SUGCT: variants seen among roughly 807,000 people sequenced by gnomAD.
SUGCT encodes succinyl-CoA:glutarate CoA-transferase.
A neutral mutation model predicts 55.0 loss-of-function variants in SUGCT; 41 were observed. The ratio of observed to expected loss-of-function variants is 0.74; its 90% CI spans 0.58 to 0.97. The LOEUF (loss-of-function observed/expected upper bound fraction) is 0.97, where lower values mean the gene tolerates loss of function less well. SUGCT is among the 50% of genes least tolerant of loss of function. SUGCT has a pLI of 0.00. For synonymous variants in SUGCT, 187 were observed against 200.4 expected (o/e 0.93, Z 0.56); for missense variants, 568 against 547.8 (o/e 1.04, Z -0.37).
intron 13 of SUGCT, among the ~76,000 whole-genome samples, chr7:40,837,402 A>C (rs889246773): frequency 5.3e-5 from 8 of 152,100 alleles, no homozygotes; most frequent in Non-Finnish European, 1.2e-4. Flanking sequence ...CCTTAACATG[A>C]TCTTTCACAG....
At chr7:40,830,966 A>G (rs1792634357) in intron 13 of SUGCT, among the ~76,000 whole-genome samples, 1 of 152,218 alleles carries the variant, frequency 6.6e-6, no homozygotes, top group African/African-American at 2.4e-5. Flanking sequence ...TGAAGATTGT[A>G]ATAATCACAT....
chr7:41,009,208 T>TAAAAAAAAAAAA, the SUGCT span, among the ~76,000 whole-genome samples: 1 of 103,332 alleles, frequency 9.7e-6, no homozygotes, highest in Non-Finnish European at 1.9e-5. Flanking sequence ...TGTCTCTCTC[T>TAAAAAAAAAAAA]AAAAAAAAAA....
intron 12 of SUGCT, among the ~76,000 whole-genome samples, chr7:40,730,062 G>T (rs1384410977): frequency 6.6e-6 from 1 of 152,124 alleles, no homozygotes; most frequent in Admixed American, 6.6e-5. Context: ...CATGAAGCAG[G>T]GGAATGACGT....
At chr7:40,831,431 C>T (rs549492083) in intron 13 of SUGCT, among the ~76,000 whole-genome samples, 4 of 152,290 alleles carry the variant, frequency 2.6e-5, no homozygotes, top group African/African-American at 7.2e-5. Context: ...AGAGGGAGAA[C>T]AGCCAGTGCT....
chr7:40,511,640 T>A (rs1275677973), intron 12 of SUGCT, among the ~76,000 whole-genome samples: 3 of 152,194 alleles, frequency 2.0e-5, no homozygotes, highest in Admixed American at 6.5e-5. Flanking sequence ...GAATTTATTT[T>A]AAATAAAAAG....
chr7:40,614,132 T>G (rs1038972269), intron 12 of SUGCT, among the ~76,000 whole-genome samples: 3 of 152,130 alleles, frequency 2.0e-5, no homozygotes, highest in African/African-American at 7.2e-5. Context: ...AGGCTGTTTT[T>G]TTTTTTTAAC....
At chr7:40,843,473 G>T (rs1288303239) in intron 13 of SUGCT, among the ~76,000 whole-genome samples, 1 of 138,564 alleles carries the variant, frequency 7.2e-6, no homozygotes, top group African/African-American at 2.6e-5. Flanking sequence ...TCACGCCACT[G>T]CACTCCAGCC....
chr7:40,356,287 G>A (rs939027387), intron 9 of SUGCT, among the ~76,000 whole-genome samples: 1 of 152,192 alleles, frequency 6.6e-6, no homozygotes, highest in Non-Finnish European at 1.5e-5. Flanking sequence ...GTTTTGCCTT[G>A]AAATTTTAGA....
intron 13 of SUGCT, among the ~76,000 whole-genome samples, chr7:40,835,897 T>C (rs999547976): frequency 4.0e-5 from 6 of 148,976 alleles, no homozygotes; most frequent in East Asian, 1.9e-4. Context: ...TTTCTTTTTT[T>C]TTTTTTTTTT....
At chr7:40,397,865 C>T (rs760834677) in intron 9 of SUGCT, among the ~76,000 whole-genome samples, 31 of 152,108 alleles carry the variant, frequency 2.0e-4, no homozygotes, top group Non-Finnish European at 4.1e-4. Context: ...TCTGTGTTTT[C>T]CTTCTTTCCT....
the SUGCT span, among the ~76,000 whole-genome samples, chr7:40,939,596 G>C: frequency 6.6e-6 from 1 of 152,106 alleles, no homozygotes; most frequent in South Asian, 2.1e-4. Flanking sequence ...GAGGTAAGGT[G>C]GTATGTCATT....
At chr7:40,388,181 G>A (rs933620528) in intron 9 of SUGCT, 2 of 152,088 alleles carry the variant, frequency 1.3e-5, no homozygotes, top group South Asian at 2.1e-4. Context: ...TAAATCTGTT[G>A]AGTACAGAGC....
chr7:40,143,227 G>A (rs972746615), intron 1 of SUGCT, among the ~76,000 whole-genome samples: 3 of 152,168 alleles, frequency 2.0e-5, no homozygotes, highest in Non-Finnish European at 4.4e-5. Flanking sequence ...CCATACATCC[G>A]CTTAGGGATG....
chr7:40,493,872 T>A (rs565494004), intron 11 of SUGCT, among the ~76,000 whole-genome samples: 1 of 152,062 alleles, frequency 6.6e-6, no homozygotes, highest in Non-Finnish European at 1.5e-5. Context: ...AGAAAAAAAA[T>A]GATGGATATG....
chr7:40,264,779 C>T (rs1379657391), intron 7 of SUGCT, among the ~76,000 whole-genome samples: 1 of 152,162 alleles, frequency 6.6e-6, no homozygotes, highest in Non-Finnish European at 1.5e-5. Context: ...ATTCAAGTTT[C>T]TAAGTATCTC....
chr7:40,225,094 C>T (rs902502522), intron 6 of SUGCT, among the ~76,000 whole-genome samples: 1 of 152,160 alleles, frequency 6.6e-6, no homozygotes, highest in Non-Finnish European at 1.5e-5. Context: ...GAAACAATTG[C>T]CAGACAAAAC....
At chr7:40,295,050 A>G (rs894731593) in intron 8 of SUGCT, among the ~76,000 whole-genome samples, 11 of 152,232 alleles carry the variant, frequency 7.2e-5, no homozygotes, top group African/African-American at 2.7e-4. Context: ...TGTAACAGAT[A>G]TACAGAAAAT....
intron 13 of SUGCT, among the ~76,000 whole-genome samples, chr7:40,756,002 G>C (rs1030641531): frequency 3.9e-5 from 6 of 152,154 alleles, no homozygotes; most frequent in Non-Finnish European, 8.8e-5. Context: ...TCACCACCAT[G>C]CATTAGTGTA....
the SUGCT span, among the ~76,000 whole-genome samples, chr7:40,906,516 A>G: frequency 6.6e-6 from 1 of 152,220 alleles, no homozygotes; most frequent in African/African-American, 2.4e-5. Flanking sequence ...GATTAAAACA[A>G]CTACAGATAG....
Sources: allele counts gnomAD v4.1 joint callset (sites outside exome capture counted in the v4.1 genomes callset), GRCh38; gene constraint gnomAD v4.1.1; transcripts MANE v1.5; gene names NCBI Gene and HGNC (gene_info 2026-07-23, HGNC 2026-07-21).